Variants in WNT7A observed in about 807,000 individuals in gnomAD.
The protein encoded by WNT7A is protein Wnt-7a.
In WNT7A, 16 loss-of-function variants were observed where a neutral mutation model predicts 28.2. The ratio of observed to expected loss-of-function variants is 0.57; its 90% CI spans 0.38 to 0.86. The LOEUF is 0.86. Among genes scored for constraint, WNT7A ranks in the 40% least tolerant of loss-of-function variants. WNT7A has a pLI of 0.00. For synonymous variants in WNT7A, 190 were observed against 195.9 expected, an observed-to-expected ratio of 0.97 and a Z score of 0.25; for missense variants, 411 against 489.7, an observed-to-expected ratio of 0.84 and a Z score of 1.52.
At chr3:13,841,234 G>A (rs528835711) in intron 3 of WNT7A, among the ~76,000 whole-genome samples, 3 of 152,296 alleles carry the variant, frequency 2.0e-5, no homozygotes, top group East Asian at 3.9e-4. Context: ...CTTGTTCAGC[G>A]TTTCCCACTA....
chr3:13,840,116 C>G lies in WNT7A; in HGVS notation c.570+14416G>C, dbSNP rs975728192. On this transcript the variant is annotated intron_variant, in intron 3 of 3. Coordinates refer to ENST00000285018, the MANE Select transcript of WNT7A (RefSeq NM_004625.4). ...CCACACTGGCCTCTTTGCCTCTGGG[C>G]TCTGACCTTGCAATTCCCTCTGACT... Among the ~76,000 whole-genome samples the G allele has an allele frequency of 2.6e-5, 4 of 152,240 alleles. No homozygotes were observed. The South Asian group carries it at 6.2e-4, about 24-fold the overall frequency.
At chr3:13,824,935 T>C (rs1304439969) in intron 3 of WNT7A, among the ~76,000 whole-genome samples, 1 of 152,198 alleles carries the variant, frequency 6.6e-6, no homozygotes, top group Non-Finnish European at 1.5e-5. Flanking sequence ...TGAGTTGGAA[T>C]GCCCTATAGC....
chr3:13,870,831 G>A lies in WNT7A; in HGVS notation c.298+4116C>T, dbSNP rs142854734. ...CGCTACCTCTGGTCCAGTCCATTTC[G>A]AAAGTCAGCACCATGCCCTGGCTCT... On this transcript the variant is annotated intron_variant, in intron 2 of 3. Coordinates refer to ENST00000285018, the MANE Select transcript of WNT7A (RefSeq NM_004625.4). 1.0e-3 allele frequency among the ~76,000 whole-genome samples: 153 copies of A among 152,336 alleles called. 1 individual carries two copies. Among genetic ancestry groups the A allele is most frequent in the African/African-American group, 7.9e-4 (33 of 41,582 alleles).
rs768911587 is a variant in WNT7A, at chr3:13,854,807, C to T, written c.299-4G>A. On this transcript the variant is annotated splice_region_variant and splice_polypyrimidine_tract_variant and intron_variant, in intron 2 of 3. Transcript: ENST00000285018. Reference sequence around the variant, plus strand: ...GTGAACGCAGCCTCCCGGCTCCCTGCGAGGAGGAGAGAAGAGGAGACAAGT... The same window carrying T: ...GTGAACGCAGCCTCCCGGCTCCCTGTGAGGAGGAGAGAAGAGGAGACAAGT... 17 of 1,611,812 alleles carry T rather than the reference C, an allele frequency of 1.1e-5. No individual in the cohort carries two copies. The highest frequency in any genetic ancestry group is 1.9e-4 in the Middle Eastern group (1 of 5,140).
At position 13,875,297 on chromosome 3, in the gene WNT7A, G is replaced by T. The variant is rs41284007; in HGVS notation, c.72-124C>A. The T allele has an allele frequency of 0.055, 49,064 of 885,896 alleles. 3,075 individuals are homozygous for T. The highest frequency in any genetic ancestry group is 0.19 in the South Asian group (13,895 of 71,348). 54.9% of individuals were successfully genotyped at this position (885,896 alleles called of 1,614,324 possible). A position where few individuals can be genotyped will look rare whatever the true frequency, so the allele number is the denominator to read the frequency against. On this transcript the variant is annotated intron_variant, in intron 1 of 3. Coordinates refer to ENST00000285018, the MANE Select transcript of WNT7A (RefSeq NM_004625.4). ...CCAGCAGTGGTCTCCCAACTTTTTT[G>T]ATCCTGCACCCCTAACTCATGTCCA...
chr3:13,853,107 G>A (rs1694666133), intron 3 of WNT7A, among the ~76,000 whole-genome samples: 1 of 110,396 alleles, frequency 9.1e-6, no homozygotes, highest in Non-Finnish European at 1.8e-5. Flanking sequence ...GCCCCACAGT[G>A]GCTCCCCAGC....
intron 3 of WNT7A, among the ~76,000 whole-genome samples, chr3:13,832,393 C>CGT: frequency 6.6e-6 from 1 of 151,712 alleles, no homozygotes; most frequent in East Asian, 2.0e-4. Flanking sequence ...TCCTCCTCTA[C>CGT]AGGCTCCTCC....
At chr3:13,879,359 C>T (rs1271376803) in intron 1 of WNT7A, among the ~76,000 whole-genome samples, 1 of 152,180 alleles carries the variant, frequency 6.6e-6, no homozygotes, top group Non-Finnish European at 1.5e-5. Context: ...CTGAGCTCCC[C>T]GAGATTGGCT....
At chr3:13,868,307 A>G (rs924296510) in intron 2 of WNT7A, among the ~76,000 whole-genome samples, 3 of 152,026 alleles carry the variant, frequency 2.0e-5, no homozygotes, top group Admixed American at 1.3e-4. Context: ...CCTGGGCAAC[A>G]CAGTGAGACC....
intron 3 of WNT7A, among the ~76,000 whole-genome samples, chr3:13,833,836 A>C (rs1422636328): frequency 6.6e-6 from 1 of 152,244 alleles, no homozygotes; most frequent in African/African-American, 2.4e-5. Context: ...GCAGTCAGTC[A>C]TACATTCACT....
chr3:13,824,785 G>T (rs1694166913), intron 3 of WNT7A, among the ~76,000 whole-genome samples: 1 of 152,150 alleles, frequency 6.6e-6, no homozygotes, highest in Non-Finnish European at 1.5e-5. Context: ...TTCCACTACT[G>T]AATATGTACC....
intron 2 of WNT7A, among the ~76,000 whole-genome samples, chr3:13,867,409 G>A (rs2124872112): frequency 6.6e-6 from 1 of 152,224 alleles, no homozygotes; most frequent in South Asian, 2.1e-4. Context: ...TAGCAAGGGG[G>A]GACTCACAAC....
At chr3:13,875,536 A>G (rs866718929) in intron 1 of WNT7A, among the ~76,000 whole-genome samples, 3 of 152,222 alleles carry the variant, frequency 2.0e-5, no homozygotes, top group South Asian at 2.1e-4. Flanking sequence ...AAGAAGCTCT[A>G]TATTGCTAGG....
chr3:13,860,810 C>T (rs1356922832), intron 2 of WNT7A, among the ~76,000 whole-genome samples: 1 of 152,142 alleles, frequency 6.6e-6, no homozygotes, highest in Non-Finnish European at 1.5e-5. Flanking sequence ...AGATAAATGC[C>T]TCATTTATCT....
At chr3:13,852,034 C>T (rs1694647339) in intron 3 of WNT7A, among the ~76,000 whole-genome samples, 1 of 152,340 alleles carries the variant, frequency 6.6e-6, no homozygotes. Flanking sequence ...CGGTGTTGCC[C>T]CTGCCCCATG....
chr3:13,835,766 C>A (rs1694357072), intron 3 of WNT7A, among the ~76,000 whole-genome samples: 1 of 152,236 alleles, frequency 6.6e-6, no homozygotes, highest in Non-Finnish European at 1.5e-5. Context: ...AAAGATGAAA[C>A]AACTCAAATG....
At chr3:13,848,054 T>A (rs1432304538) in intron 3 of WNT7A, among the ~76,000 whole-genome samples, 1 of 143,950 alleles carries the variant, frequency 6.9e-6, no homozygotes, top group East Asian at 2.3e-4. Context: ...TTTTTTTAAA[T>A]TAATGAATTT....
At chr3:13,838,193 T>G (rs1450316151) in intron 3 of WNT7A, among the ~76,000 whole-genome samples, 1 of 152,218 alleles carries the variant, frequency 6.6e-6, no homozygotes, top group Non-Finnish European at 1.5e-5. Flanking sequence ...CTCAGTGCTC[T>G]GAGCTACAAG....
intron 2 of WNT7A, among the ~76,000 whole-genome samples, chr3:13,858,337 G>A (rs1022171168): frequency 6.6e-6 from 1 of 152,214 alleles, no homozygotes; most frequent in Non-Finnish European, 1.5e-5. Context: ...CCTGGGGAAG[G>A]GGCAGGAGGC....
Sources: allele counts gnomAD v4.1 joint callset (sites outside exome capture counted in the v4.1 genomes callset), GRCh38; gene constraint gnomAD v4.1.1; transcripts MANE v1.5; gene names NCBI Gene and HGNC (gene_info 2026-07-23, HGNC 2026-07-21).